DCDC2C: variants seen among roughly 807,000 people sequenced by gnomAD.
DCDC2C encodes the protein doublecortin domain containing 2C, also known as doublecortin domain-containing protein 2C.
Under a neutral mutation model 45.0 loss-of-function variants are expected in DCDC2C, and 44 were observed. The ratio of observed to expected loss-of-function variants is 0.98; its 90% CI spans 0.77 to 1.26. The LOEUF is 1.26. DCDC2C is among the 50% of genes most tolerant of loss of function. The probability of loss-of-function intolerance (pLI) is 0.00; values close to 1 mark genes in which losing one functional copy is unlikely to be tolerated. For synonymous variants in DCDC2C, 187 were observed against 178.8 expected (o/e 1.05, Z -0.37); for missense variants, 447 against 468.9 (o/e 0.95, Z 0.43).
intron 6 of DCDC2C, among the ~76,000 whole-genome samples, chr2:3,755,560 CAT>C (rs1342112338): frequency 6.6e-6 from 1 of 150,624 alleles, no homozygotes; most frequent in Admixed American, 6.6e-5. Context: ...TATGTGTGTG[CAT>C]ATGACTATGT....
At chr2:3,833,427 A>G (rs1234096497) in intron 10 of DCDC2C, among the ~76,000 whole-genome samples, 1 of 152,202 alleles carries the variant, frequency 6.6e-6, no homozygotes, top group Non-Finnish European at 1.5e-5. Flanking sequence ...GGTTTTGGAC[A>G]CAAGTAGGTC....
intron 3 of DCDC2C, among the ~76,000 whole-genome samples, chr2:3,730,533 CA>C (rs1347031124): frequency 4.6e-5 from 7 of 152,006 alleles, no homozygotes; most frequent in Non-Finnish European, 8.8e-5. Context: ...AGGAAAGGAC[CA>C]GGGGAAGAAG....
intron 3 of DCDC2C, among the ~76,000 whole-genome samples, chr2:3,731,047 A>G (rs1418939874): frequency 1.3e-5 from 2 of 152,170 alleles, no homozygotes; most frequent in Non-Finnish European, 2.9e-5. Flanking sequence ...AGTCATTTAC[A>G]AAGTTCTGAC....
intron 4 of DCDC2C, among the ~76,000 whole-genome samples, chr2:3,746,026 C>G (rs1394112195): frequency 6.6e-6 from 1 of 152,050 alleles, no homozygotes; most frequent in Non-Finnish European, 1.5e-5. Flanking sequence ...AAGTGAAATT[C>G]TGTAGGTCTC....
chr2:3,762,488 A>T (rs1312003441), intron 6 of DCDC2C, among the ~76,000 whole-genome samples: 1 of 152,198 alleles, frequency 6.6e-6, no homozygotes, highest in Non-Finnish European at 1.5e-5. Context: ...TGGGAATAGC[A>T]TCTGCTTAGC....
intron 2 of DCDC2C, among the ~76,000 whole-genome samples, chr2:3,725,621 G>GGTGGAT (rs1668639135): frequency 3.9e-5 from 5 of 127,716 alleles, no homozygotes; most frequent in Admixed American, 7.6e-5. Context: ...GAGGGAGACC[G>GGTGGAT]CCAGAGTGAC....
intron 3 of DCDC2C, among the ~76,000 whole-genome samples, chr2:3,740,328 T>A (rs1222845091): frequency 6.6e-6 from 1 of 152,236 alleles, no homozygotes; most frequent in Non-Finnish European, 1.5e-5. Flanking sequence ...GATTTCATGG[T>A]GTGGGATGAC....
chr2:3,783,000 C>T (rs1353729050), intron 9 of DCDC2C, among the ~76,000 whole-genome samples: 1 of 152,180 alleles, frequency 6.6e-6, no homozygotes, highest in Non-Finnish European at 1.5e-5. Context: ...CCAAGGATGA[C>T]ACGAGCTTCC....
intron 10 of DCDC2C, among the ~76,000 whole-genome samples, chr2:3,826,998 A>G (rs1244678081): frequency 6.7e-6 from 1 of 149,340 alleles, no homozygotes; most frequent in African/African-American, 2.5e-5. Flanking sequence ...AAGTGGACCT[A>G]TGTGTGAGGA....
At chr2:3,777,770 C>A (rs1321778005) in intron 8 of DCDC2C, among the ~76,000 whole-genome samples, 1 of 152,260 alleles carries the variant, frequency 6.6e-6, no homozygotes, top group Non-Finnish European at 1.5e-5. Flanking sequence ...CCACGGAACA[C>A]TGTTCTTGCA....
intron 10 of DCDC2C, among the ~76,000 whole-genome samples, chr2:3,816,780 G>C (rs1671569258): frequency 6.6e-6 from 1 of 152,222 alleles, no homozygotes. Flanking sequence ...CAATTTGCCA[G>C]TCCTGGGCAG....
chr2:3,847,104 A>C, intron 10 of DCDC2C, 50 bp from the exon 11 acceptor site: 1 of 1,208,020 alleles, frequency 8.3e-7, no homozygotes, highest in African/African-American at 1.6e-5. Flanking sequence ...CTGTGGCCAG[A>C]TCACAGCTTG....
At chr2:3,705,432 A>G (rs1668040962) in intron 1 of DCDC2C, among the ~76,000 whole-genome samples, 1 of 152,258 alleles carries the variant, frequency 6.6e-6, no homozygotes, top group African/African-American at 2.4e-5. Context: ...GTGAATATCT[A>G]GAACTGACAT....
intron 8 of DCDC2C, among the ~76,000 whole-genome samples, chr2:3,771,564 C>T (rs1204623882): frequency 2.0e-5 from 3 of 152,160 alleles, no homozygotes; most frequent in East Asian, 1.9e-4. Flanking sequence ...TGTTTATTTC[C>T]CCACGAACCT....
At chr2:3,840,043 A>T (rs374131851) in intron 10 of DCDC2C, among the ~76,000 whole-genome samples, 3 of 152,314 alleles carry the variant, frequency 2.0e-5, no homozygotes, top group African/African-American at 4.8e-5. Context: ...AATGGGGCAG[A>T]TCTGTGGAAA....
chr2:3,815,998 AT>A lies in DCDC2C; in HGVS notation c.1065+30906del, dbSNP rs1235658400. Among the ~76,000 whole-genome samples, 9 of 150,476 alleles carry A rather than the reference AT, an allele frequency of 6.0e-5. No individual in the cohort carries two copies. In the South Asian group the frequency reaches 1.1e-3, roughly 18 times the overall value. On this transcript the variant is annotated intron_variant, in intron 10 of 10. Coordinates refer to ENST00000399143, the MANE Select transcript of DCDC2C (RefSeq NM_001287444.2). ...GTGTTGAAGCATTGGGGTGGCAAAAATTTTTTTTGGGTGGTATGGAGAGATA... is the reference window on the plus strand; with the variant it reads ...GTGTTGAAGCATTGGGGTGGCAAAAATTTTTTTGGGTGGTATGGAGAGATA...
Position 3,778,789 on chromosome 2 carries a change from A to G in DCDC2C, c.955-27A>G, listed in dbSNP as rs1486426263. ...AAAAGGAGTTCCACATAAGTAGTTG[A>G]TAAAATGTGGTGTATTTTCTCCCCA... On this transcript the variant is annotated intron_variant, in intron 8 of 10. Coordinates refer to ENST00000399143, the MANE Select transcript of DCDC2C (RefSeq NM_001287444.2). The G allele has an allele frequency of 3.9e-6, 6 of 1,547,988 alleles. No homozygotes were observed. The Admixed American group carries it at 1.2e-4, about 30-fold the overall frequency.
At chr2:3,743,679 T>TA (rs1050017348) in intron 4 of DCDC2C, among the ~76,000 whole-genome samples, 5 of 152,108 alleles carry the variant, frequency 3.3e-5, no homozygotes, top group South Asian at 2.1e-4. Context: ...AAAAGGGAAA[T>TA]AAAAAAATAT....
intron 10 of DCDC2C, among the ~76,000 whole-genome samples, chr2:3,823,232 TA>T: frequency 6.6e-6 from 1 of 152,284 alleles, no homozygotes; most frequent in Non-Finnish European, 1.5e-5. Flanking sequence ...CTCTCTGATC[TA>T]TTTTTTTTTC....
Sources: gnomAD v4.1 joint callset for allele counts (sites outside exome capture counted in the v4.1 genomes callset) on GRCh38, gnomAD v4.1.1 for gene constraint, MANE v1.5 for transcripts, NCBI Gene and HGNC (gene_info 2026-07-23, HGNC 2026-07-21) for gene names.